The following KLHL29 variants were observed in gnomAD, a reference collection of about 807,000 sequenced individuals.
KLHL29 encodes the protein kelch-like protein 29.
Under a neutral mutation model 80.4 loss-of-function variants are expected in KLHL29, and 21 were observed. That is an observed-to-expected ratio of 0.26 (90% CI 0.19 to 0.38). The LOEUF is 0.38. Among genes scored for constraint, KLHL29 ranks in the 10% least tolerant of loss-of-function variants. KLHL29 has a pLI of 1.00. For missense variants in KLHL29, 867 were observed against 1,223.9 expected (o/e 0.71, Z 4.35); for synonymous variants, 511 against 526.8 (o/e 0.97, Z 0.41).
intron 2 of KLHL29, among the ~76,000 whole-genome samples, chr2:23,479,400 C>T (rs1664725526): frequency 6.6e-6 from 1 of 152,108 alleles, no homozygotes; most frequent in Admixed American, 6.5e-5. Flanking sequence ...CTGCGCTGTC[C>T]ACCTCGGTGT....
At chr2:23,431,065 C>T (rs778445557) in intron 1 of KLHL29, among the ~76,000 whole-genome samples, 16 of 152,186 alleles carry the variant, frequency 1.1e-4, no homozygotes, top group Non-Finnish European at 2.4e-4. Flanking sequence ...GAGAGTGTCC[C>T]CAGAGCTGCT....
chr2:23,424,313 C>T (rs551037985), intron 1 of KLHL29, among the ~76,000 whole-genome samples: 13 of 152,260 alleles, frequency 8.5e-5, no homozygotes, highest in South Asian at 4.1e-4. Flanking sequence ...GGTGCATTTG[C>T]GTGTGCATGT....
rs759612469 is a variant in KLHL29, at chr2:23,703,875, C to G, written c.2444+12C>G. 1 of 1,532,854 alleles carries G rather than the reference C, an allele frequency of 6.5e-7. No homozygotes were observed. Among genetic ancestry groups the G allele is most frequent in the Non-Finnish European group, 8.7e-7 (1 of 1,144,826 alleles). The allele number at this position is 1,532,854 out of a possible 1,614,324, so 95.0% of individuals were successfully genotyped here. Reference sequence around the variant, plus strand: ...CGCCAGTTCTGCAGGTGAGAGGCTGCGGCGCCTTGACTAGGGCTGGGACGG... The same window carrying G: ...CGCCAGTTCTGCAGGTGAGAGGCTGGGGCGCCTTGACTAGGGCTGGGACGG... On this transcript the variant is annotated intron_variant, in intron 13 of 13. Coordinates refer to ENST00000486442, the MANE Select transcript of KLHL29 (RefSeq NM_052920.2).
chr2:23,629,704 C>A (rs941225030), intron 3 of KLHL29, among the ~76,000 whole-genome samples: 2 of 152,008 alleles, frequency 1.3e-5, no homozygotes, highest in African/African-American at 4.8e-5. Flanking sequence ...AAAGTGTCTC[C>A]AAGGTATAGA....
chr2:23,677,840 G>T (rs1438709087), intron 5 of KLHL29, among the ~76,000 whole-genome samples: 2 of 152,148 alleles, frequency 1.3e-5, no homozygotes, highest in Non-Finnish European at 2.9e-5. Flanking sequence ...TTTCACAACT[G>T]CTCTGAGTTT....
intron 2 of KLHL29, among the ~76,000 whole-genome samples, chr2:23,545,365 T>C (rs2103485899): frequency 6.6e-6 from 1 of 152,302 alleles, no homozygotes; most frequent in African/African-American, 2.4e-5. Flanking sequence ...TTCTATAAAG[T>C]GGAGGCAGTG....
chr2:23,535,131 A>G (rs1666623076), intron 2 of KLHL29, among the ~76,000 whole-genome samples: 1 of 152,270 alleles, frequency 6.6e-6, no homozygotes, highest in Non-Finnish European at 1.5e-5. Context: ...ATGTGGCCTG[A>G]CCAGACAGGC....
chr2:23,536,901 C>CAT, intron 2 of KLHL29, among the ~76,000 whole-genome samples: 1 of 79,736 alleles, frequency 1.3e-5, no homozygotes, highest in East Asian at 6.4e-4. Flanking sequence ...CACACACACA[C>CAT]ACACACACAC....
At chr2:23,536,823 A>G (rs1437270483) in intron 2 of KLHL29, among the ~76,000 whole-genome samples, 1 of 151,608 alleles carries the variant, frequency 6.6e-6, no homozygotes, top group South Asian at 2.1e-4. Context: ...TAGTAAAGGA[A>G]AGAGAGTGAC....
intron 3 of KLHL29, among the ~76,000 whole-genome samples, chr2:23,577,303 T>C (rs1256845905): frequency 6.6e-6 from 1 of 151,696 alleles, no homozygotes; most frequent in African/African-American, 2.4e-5. Context: ...ATACACGAAA[T>C]AGCCGGGCAT....
intron 5 of KLHL29, among the ~76,000 whole-genome samples, chr2:23,654,529 G>C (rs1475409358): frequency 6.6e-6 from 1 of 152,214 alleles, no homozygotes; most frequent in Non-Finnish European, 1.5e-5. Context: ...AGAAAGCAGA[G>C]ATGTGGATGT....
At chr2:23,574,001 G>A (rs1166242576) in intron 3 of KLHL29, among the ~76,000 whole-genome samples, 1 of 152,056 alleles carries the variant, frequency 6.6e-6, no homozygotes, top group Non-Finnish European at 1.5e-5. Context: ...CCAAGCTCAG[G>A]GAAGCAGCTC....
intron 2 of KLHL29, among the ~76,000 whole-genome samples, chr2:23,484,045 G>T (rs759299271): frequency 6.6e-6 from 1 of 152,214 alleles, no homozygotes; most frequent in South Asian, 2.1e-4. Flanking sequence ...AAGGAGTCAC[G>T]TATGGGCTGC....
intron 1 of KLHL29, among the ~76,000 whole-genome samples, chr2:23,418,206 C>A (rs1388093516): frequency 6.6e-6 from 1 of 152,206 alleles, no homozygotes; most frequent in Non-Finnish European, 1.5e-5. Context: ...ACCTGCCCTC[C>A]TGCCTGACTC....
intron 5 of KLHL29, chr2:23,667,568 TGCCAGC>T (rs1212004014): frequency 3.3e-5 from 5 of 152,618 alleles, no homozygotes; most frequent in African/African-American, 1.2e-4. Context: ...GAAGTGCCAG[TGCCAGC>T]GCCAGCACGT....
rs550726641 is a variant in KLHL29, at chr2:23,557,013, T to G, written c.-45-5139T>G. On this transcript the variant is annotated intron_variant, in intron 2 of 13. Transcript: ENST00000486442. ...GGGATGGCTGCTGCTCAGCCTGCTC[T>G]GTCCCCCTTGGTGAAGGGCCCTGTG... Among the ~76,000 whole-genome samples the G allele has an allele frequency of 2.6e-5, 4 of 152,376 alleles. No homozygotes were observed. The South Asian group carries it at 6.2e-4, about 24-fold the overall frequency.
chr2:23,411,514 ACAT>A (rs1452981662), intron 1 of KLHL29, among the ~76,000 whole-genome samples: 1 of 151,676 alleles, frequency 6.6e-6, no homozygotes, highest in Non-Finnish European at 1.5e-5. Context: ...AAGGTAGGTA[ACAT>A]CCAAATAAGG....
intron 2 of KLHL29, among the ~76,000 whole-genome samples, chr2:23,482,250 T>C (rs1447076266): frequency 6.6e-6 from 1 of 152,186 alleles, no homozygotes; most frequent in Non-Finnish European, 1.5e-5. Flanking sequence ...TACAGAACCT[T>C]GTTTGGCACC....
chr2:23,697,673 G>A (rs1672051599), intron 11 of KLHL29: 1 of 152,164 alleles, frequency 6.6e-6, no homozygotes, highest in African/African-American at 2.4e-5. Flanking sequence ...CCTCCCCCAA[G>A]TAGAGCCCAG....
Sources: gnomAD v4.1 joint callset for allele counts (sites outside exome capture counted in the v4.1 genomes callset) on GRCh38, gnomAD v4.1.1 for gene constraint, MANE v1.5 for transcripts, NCBI Gene and HGNC (gene_info 2026-07-23, HGNC 2026-07-21) for gene names.